Variants in RALYL observed in about 807,000 individuals in gnomAD.
RALYL encodes the protein RALY RNA binding protein like.
A neutral mutation model predicts 35.1 loss-of-function variants in RALYL; 29 were observed. The ratio of observed to expected loss-of-function variants is 0.83; its 90% confidence interval spans 0.61 to 1.13. The LOEUF (loss-of-function observed/expected upper bound fraction) is 1.13. RALYL is among the 50% of genes most tolerant of loss of function. The pLI, the probability that RALYL is intolerant of heterozygous loss-of-function variation, is 0.00. For synonymous variants in RALYL, 120 were observed against 127.6 expected, an observed-to-expected ratio of 0.94 and a Z score of 0.40; for missense variants, 359 against 360.4, an observed-to-expected ratio of 1.00 and a Z score of 0.03.
At chr8:84,249,433 T>C (rs547222819) in intron 1 of RALYL, among the ~76,000 whole-genome samples, 3 of 152,232 alleles carry the variant, frequency 2.0e-5, no homozygotes, top group African/African-American at 7.2e-5. Context: ...TCATTTAAAA[T>C]CTCTCCTTTA....
At chr8:84,311,690 G>T (rs1842844709) in intron 1 of RALYL, among the ~76,000 whole-genome samples, 2 of 151,964 alleles carry the variant, frequency 1.3e-5, no homozygotes, top group Non-Finnish European at 2.9e-5. Flanking sequence ...TTCTGGATAA[G>T]AAAAAAGAAT....
At chr8:84,187,487 C>T (rs1047883753) in intron 1 of RALYL, among the ~76,000 whole-genome samples, 14 of 151,606 alleles carry the variant, frequency 9.2e-5, no homozygotes, top group African/African-American at 2.9e-4. Context: ...ATAGCCACAC[C>T]GTGGTGGTGT....
At chr8:84,528,818 G>T (rs925334728) in intron 1 of RALYL, among the ~76,000 whole-genome samples, 1 of 152,016 alleles carries the variant, frequency 6.6e-6, no homozygotes, top group African/African-American at 2.4e-5. Context: ...CTGACAGAAG[G>T]GTTCTGATGT....
intron 4 of RALYL, among the ~76,000 whole-genome samples, chr8:84,844,601 C>T (rs1172646719): frequency 6.6e-6 from 1 of 152,178 alleles, no homozygotes; most frequent in Non-Finnish European, 1.5e-5. Flanking sequence ...CCATTTGACC[C>T]AGCCATCCCA....
intron 1 of RALYL, among the ~76,000 whole-genome samples, chr8:84,476,128 A>T (rs1228521968): frequency 1.3e-5 from 2 of 152,174 alleles, no homozygotes; most frequent in Non-Finnish European, 2.9e-5. Context: ...TTCATAAGGA[A>T]AATTGCCAGT....
intron 1 of RALYL, among the ~76,000 whole-genome samples, chr8:84,434,617 TA>T: frequency 6.6e-6 from 1 of 152,238 alleles, no homozygotes; most frequent in African/African-American, 2.4e-5. Context: ...AAAGCAAACT[TA>T]AAGAATATTA....
At chr8:84,575,921 G>T (rs570825079) in intron 2 of RALYL, among the ~76,000 whole-genome samples, 4 of 147,654 alleles carry the variant, frequency 2.7e-5, no homozygotes, top group African/African-American at 1.0e-4. Context: ...GAGCCCAGGA[G>T]TTAGAGACCA....
intron 2 of RALYL, among the ~76,000 whole-genome samples, chr8:84,659,639 G>A (rs1481207736): frequency 6.6e-6 from 1 of 152,182 alleles, no homozygotes; most frequent in African/African-American, 2.4e-5. Context: ...TAAAATATGT[G>A]ATAGTGGACT....
chr8:84,226,841 C>T (rs1823998568), intron 1 of RALYL, among the ~76,000 whole-genome samples: 1 of 152,020 alleles, frequency 6.6e-6, no homozygotes, highest in Non-Finnish European at 1.5e-5. Context: ...GACCTCCTTC[C>T]AGGACAGGAT....
intron 1 of RALYL, among the ~76,000 whole-genome samples, chr8:84,213,241 A>G (rs767689248): frequency 6.6e-5 from 10 of 152,016 alleles, no homozygotes; most frequent in Non-Finnish European, 8.8e-5. Context: ...AAGTACAAAA[A>G]TTAGCTAGGC....
At chr8:84,367,350 T>A (rs1344556764) in intron 1 of RALYL, among the ~76,000 whole-genome samples, 6 of 97,216 alleles carry the variant, frequency 6.2e-5, no homozygotes, top group East Asian at 2.6e-4. Context: ...TTTTTTTTTT[T>A]TTTTTTTTTT....
chr8:84,202,430 C>A (rs560376679), intron 1 of RALYL, among the ~76,000 whole-genome samples: 7 of 136,330 alleles, frequency 5.1e-5, no homozygotes, highest in Admixed American at 5.0e-4. Context: ...TGGAGTGTAG[C>A]GGTGCAATCT....
At chr8:84,251,118 T>A (rs934994984) in intron 1 of RALYL, among the ~76,000 whole-genome samples, 22 of 152,220 alleles carry the variant, frequency 1.4e-4, no homozygotes, top group African/African-American at 5.3e-4. Context: ...GAGAATGCCT[T>A]TTTTACTTCC....
chr8:84,561,414 C>T (rs556685296), intron 2 of RALYL, among the ~76,000 whole-genome samples: 3 of 151,866 alleles, frequency 2.0e-5, no homozygotes, highest in South Asian at 2.1e-4. Flanking sequence ...AAATGAGGTC[C>T]GGTAGTCCCC....
At chr8:84,338,953 C>A (rs577251498) in intron 1 of RALYL, among the ~76,000 whole-genome samples, 3 of 151,996 alleles carry the variant, frequency 2.0e-5, no homozygotes, top group East Asian at 3.9e-4. Context: ...AAAAATATAA[C>A]AAACCTATTT....
intron 1 of RALYL, among the ~76,000 whole-genome samples, chr8:84,435,100 G>A (rs1468406252): frequency 2.6e-5 from 4 of 152,056 alleles, no homozygotes; most frequent in African/African-American, 4.8e-5. Flanking sequence ...TTTATCTGAG[G>A]AACTTTGAAG....
At chr8:84,281,391 C>T (rs1836523858) in intron 1 of RALYL, among the ~76,000 whole-genome samples, 1 of 151,998 alleles carries the variant, frequency 6.6e-6, no homozygotes, top group South Asian at 2.1e-4. Context: ...CACTAAGATG[C>T]TTTGTTCGAA....
chr8:84,197,627 A>G (rs1815660997), intron 1 of RALYL, among the ~76,000 whole-genome samples: 1 of 152,102 alleles, frequency 6.6e-6, no homozygotes. Flanking sequence ...GAGACTATCT[A>G]AGTATGAAAC....
intron 8 of RALYL, among the ~76,000 whole-genome samples, chr8:84,912,274 A>G (rs907374087): frequency 4.6e-5 from 7 of 152,054 alleles, no homozygotes; most frequent in African/African-American, 1.4e-4. Flanking sequence ...CAAATATTAT[A>G]ATGAAAGATG....
Sources: allele counts gnomAD v4.1 joint callset (sites outside exome capture counted in the v4.1 genomes callset), GRCh38; gene constraint gnomAD v4.1.1; transcripts MANE v1.5; gene names NCBI Gene and HGNC (gene_info 2026-07-23, HGNC 2026-07-21).